Variants in SMTNL2 observed in about 807,000 individuals in gnomAD.
SMTNL2 encodes smoothelin-like protein 2.
Under a neutral mutation model 44.1 loss-of-function variants are expected in SMTNL2, and 43 were observed. The observed-to-expected ratio is 0.98, with a 90% CI of 0.76 to 1.26. The LOEUF is 1.26. Among genes scored for constraint, SMTNL2 ranks in the 50% most tolerant of loss-of-function variants. SMTNL2 has a pLI of 0.00. For synonymous variants in SMTNL2, 317 were observed against 287.6 expected (o/e 1.10, Z -1.03); for missense variants, 646 against 670.2 (o/e 0.96, Z 0.40).
Position 4,592,925 on chromosome 17 carries a change from C to T in SMTNL2, c.488-4C>T. 6.2e-7 allele frequency: 1 copy of T among 1,608,660 alleles called. No homozygotes were observed. Among genetic ancestry groups the T allele is most frequent in the Non-Finnish European group, 8.5e-7 (1 of 1,176,158 alleles). ...CACCCACCCATGCTGGTCACATGTT[C>T]CAGGTCCAGGCGATGGACCCCCTGA... is the stretch of plus-strand genomic sequence containing the variant. On this transcript the variant is annotated splice_region_variant and splice_polypyrimidine_tract_variant and intron_variant, in intron 2 of 7. Coordinates refer to ENST00000389313, the MANE Select transcript of SMTNL2 (RefSeq NM_001114974.2). The surrounding 1 kb of genome is among the most constrained non-coding windows in gnomAD (Gnocchi z 4.5).
chr17:4,593,157 C>A lies in SMTNL2; in HGVS notation c.716C>A (p.Thr239Asn), dbSNP rs1224667978. Reference protein sequence around the residue: ...PSPSEVITPWTPSPSEKNSSF... With the variant: ...PSPSEVITPWNPSPSEKNSSF... ...CCCAGCGAGGTCATCACGCCCTGGA[C>A]TCCCAGTCCTAGCGGTATGAGCTGG... The change falls in exon 3 of 8, where the codon ACT (threonine) becomes AAT (asparagine). Residue 239 changes from threonine to asparagine, a missense_variant. Coordinates refer to ENST00000389313, the MANE Select transcript of SMTNL2 (RefSeq NM_001114974.2). 4 of 1,605,258 alleles carry A rather than the reference C, an allele frequency of 2.5e-6. No homozygotes were observed. The East Asian group carries it at 8.9e-5, about 36-fold the overall frequency.
rs907948194 is a variant in SMTNL2 at position 4,607,571 on chromosome 17, G to A, written c.*84G>A. On this transcript the variant is annotated 3_prime_UTR_variant, in exon 8 of 8. Transcript: ENST00000389313. The surrounding 1 kb of genome is among the most constrained non-coding windows in gnomAD (Gnocchi z 4.7). ...CGATTCCCCAGCCAGGATGCCCCCAGGAGCCTTGCCGTTTGGTGTGAGCGC... is the reference window on the plus strand; with the variant it reads ...CGATTCCCCAGCCAGGATGCCCCCAAGAGCCTTGCCGTTTGGTGTGAGCGC... 9 of 1,563,028 alleles carry A rather than the reference G, an allele frequency of 5.8e-6. No homozygotes were observed. The highest frequency in any genetic ancestry group is 5.4e-5 in the Admixed American group (3 of 55,356).
rs540992869 is a variant in SMTNL2 at position 4,600,648 on chromosome 17, G to T, written c.1259+3325G>T. 4.0e-4 allele frequency among the ~76,000 whole-genome samples: 61 copies of T among 152,248 alleles called. No individual in the cohort carries two copies. The highest frequency in any genetic ancestry group is 1.4e-3 in the African/African-American group (59 of 41,540). On this transcript the variant is annotated intron_variant, in intron 7 of 7. Transcript: ENST00000389313. This position sits in a 1 kb window ranked among gnomAD's most constrained non-coding sequence, Gnocchi z 4.7. ...AATGATGCAGTGTTGACAGCACAGC[G>T]AGCTTCCCTTGCCTGACAGGTGTTC...
Position 4,600,239 on chromosome 17 carries a change from G to A in SMTNL2, c.1259+2916G>A, listed in dbSNP as rs1017693028. ...TGGTTAGAAGAGCTGGCAGGAAAGC[G>A]CAGGGACACCTGCCTGAGGGTACTA... On this transcript the variant is annotated intron_variant, in intron 7 of 7. Coordinates refer to ENST00000389313, the MANE Select transcript of SMTNL2 (RefSeq NM_001114974.2). This position sits in a 1 kb window ranked among gnomAD's most constrained non-coding sequence, Gnocchi z 4.7. Among the ~76,000 whole-genome samples, 5 of 152,194 alleles carry A rather than the reference G, an allele frequency of 3.3e-5. No homozygotes were observed. Among genetic ancestry groups the A allele is most frequent in the Non-Finnish European group, 1.5e-5 (1 of 68,038 alleles).
rs1375212848 is a variant in SMTNL2, at chr17:4,607,887, C to G, written c.*400C>G. ...CCAAGTGTTTTTTTTTATCAAAATA[C>G]CCAGAGTTTTTTACTTCCTCACGCG... On this transcript the variant is annotated 3_prime_UTR_variant, in exon 8 of 8. Transcript: ENST00000389313. This position sits in a 1 kb window ranked among gnomAD's most constrained non-coding sequence, Gnocchi z 4.7. 1 of 156,198 alleles carries G rather than the reference C, an allele frequency of 6.4e-6. No individual in the cohort carries two copies. The highest frequency in any genetic ancestry group is 2.4e-5 in the African/African-American group (1 of 41,496). The allele number at this position is 156,198 out of a possible 1,614,324, so 9.7% of individuals were successfully genotyped here.
chr17:4,594,791 C>T (rs993790171), intron 4 of SMTNL2, among the ~76,000 whole-genome samples: 2 of 151,670 alleles, frequency 1.3e-5, no homozygotes, highest in African/African-American at 2.4e-5. Context: ...GGGGTCTTAT[C>T]GCATGGTGGT....
Position 4,599,657 on chromosome 17 carries a change from C to T in SMTNL2, c.1259+2334C>T, listed in dbSNP as rs989922626. Among the ~76,000 whole-genome samples the T allele has an allele frequency of 1.2e-4, 19 of 152,050 alleles. 1 individual carries two copies. The highest frequency in any genetic ancestry group is 9.2e-4 in the Admixed American group (14 of 15,284). On this transcript the variant is annotated intron_variant, in intron 7 of 7. Transcript: ENST00000389313. ...CTAGGCTGTGGCAGGGAGAGGGATG[C>T]CCCGGGCCATGGGGTGGTGGCCCCA... is the stretch of plus-strand genomic sequence containing the variant.
intron 6 of SMTNL2, 86 bp downstream of exon 6, chr17:4,597,063 G>C (rs1909849028): frequency 1.3e-6 from 2 of 1,502,974 alleles, no homozygotes; most frequent in Non-Finnish European, 1.8e-6. Flanking sequence ...CTCCCGCCTG[G>C]GCAGGAGCCC....
At chr17:4,588,584 A>G (rs1309856303) in intron 1 of SMTNL2, among the ~76,000 whole-genome samples, 1 of 152,074 alleles carries the variant, frequency 6.6e-6, no homozygotes, top group Non-Finnish European at 1.5e-5. Context: ...CCCACTGGGG[A>G]CTCTGCGGGG....
rs988936372 is a variant in SMTNL2 at position 4,598,618 on chromosome 17, G to A, written c.1259+1295G>A. Among the ~76,000 whole-genome samples, 1 of 152,174 alleles carries A rather than the reference G, an allele frequency of 6.6e-6. No individual in the cohort carries two copies. The highest frequency in any genetic ancestry group is 2.4e-5 in the African/African-American group (1 of 41,454). On this transcript the variant is annotated intron_variant, in intron 7 of 7. Coordinates refer to ENST00000389313, the MANE Select transcript of SMTNL2 (RefSeq NM_001114974.2). The surrounding 1 kb of genome is among the most constrained non-coding windows in gnomAD (Gnocchi z 4.8). ...GCGGGTGGATTGCCTGAGCTCAGGA[G>A]TTCGAGACCAGCTTGGGCAACACGG... is the stretch of plus-strand genomic sequence containing the variant.
In SMTNL2 at chr17:4,593,124, A is replaced by T. The variant is rs1336264507; in HGVS notation, c.683A>T (p.Asn228Ile). The change falls in exon 3 of 8, where the codon AAC (asparagine) becomes ATC (isoleucine). Residue 228 changes from asparagine to isoleucine, a missense_variant. Asn to Ile is a moderately radical substitution (Grantham distance 149, BLOSUM62 -3). Transcript: ENST00000389313. The part of the protein sequence containing the change: ...PMSAATLGGL[N>I]PSPSEVITPW... ...TCTGCTGCCACCCTGGGGGGCCTCA[A>T]CCCAAGCCCCAGCGAGGTCATCACG... 1.9e-6 allele frequency: 3 copies of T among 1,612,426 alleles called. No homozygotes were observed. Among genetic ancestry groups the T allele is most frequent in the Non-Finnish European group, 2.5e-6 (3 of 1,179,028 alleles).
chr17:4,597,422 G>A (rs534018282), intron 7 of SMTNL2, 99 bp downstream of exon 7: 503 of 1,511,758 alleles, frequency 3.3e-4, no homozygotes, highest in Non-Finnish European at 4.2e-4. Flanking sequence ...ATGTCGGGCC[G>A]CTGTCTGCAA....
rs531849790 is a variant in SMTNL2 at position 4,600,727 on chromosome 17, C to T, written c.1259+3404C>T. ...CTTTTATGGAAGGGGCTGAGTCGGG[C>T]GGGCGCCTGACCCTTCTGCACCCGT... On this transcript the variant is annotated intron_variant, in intron 7 of 7. Transcript: ENST00000389313. This position sits in a 1 kb window ranked among gnomAD's most constrained non-coding sequence, Gnocchi z 4.7. Among the ~76,000 whole-genome samples the T allele has an allele frequency of 3.9e-5, 6 of 152,264 alleles. No individual in the cohort carries two copies. Among genetic ancestry groups the T allele is most frequent in the African/African-American group, 7.2e-5 (3 of 41,552 alleles).
At position 4,595,612 on chromosome 17, in the gene SMTNL2, G is replaced by A. The variant is rs902713257; in HGVS notation, c.989+285G>A. Among the ~76,000 whole-genome samples the A allele has an allele frequency of 6.6e-6, 1 of 152,230 alleles. No homozygotes were observed. Among genetic ancestry groups the A allele is most frequent in the Non-Finnish European group, 1.5e-5 (1 of 68,040 alleles). ...CTCCATTCCCGAGGCCCCCTGTCCT[G>A]TCTCTGGTGCCGCCAGGCTGCCCTC... On this transcript the variant is annotated intron_variant, in intron 5 of 7. Coordinates refer to ENST00000389313, the MANE Select transcript of SMTNL2 (RefSeq NM_001114974.2). This position sits in a 1 kb window ranked among gnomAD's most constrained non-coding sequence, Gnocchi z 5.1.
In SMTNL2 at chr17:4,595,127, C is replaced by CGGCG. The variant is rs747063347; in HGVS notation, c.807-17_807-14dup. ...TGGCTGCTGGGCCCAGGTCCCAACT[C>CGGCG]GGCGATTCTTTCCTCAGCCCACCGC... On this transcript the variant is annotated splice_polypyrimidine_tract_variant and intron_variant, in intron 4 of 7. Coordinates refer to ENST00000389313, the MANE Select transcript of SMTNL2 (RefSeq NM_001114974.2). The surrounding 1 kb of genome is among the most constrained non-coding windows in gnomAD (Gnocchi z 5.1). The CGGCG allele has an allele frequency of 1.2e-6, 2 of 1,613,002 alleles. No individual in the cohort carries two copies. Among genetic ancestry groups the CGGCG allele is most frequent in the South Asian group, 2.2e-5 (2 of 91,052 alleles).
chr17:4,589,610 T>TG (rs1228190095), intron 1 of SMTNL2, among the ~76,000 whole-genome samples: 4 of 152,190 alleles, frequency 2.6e-5, no homozygotes, highest in African/African-American at 9.7e-5. Context: ...TCCCAGGCTC[T>TG]GGGTCCTGTC....
chr17:4,606,939 G>T (rs1402314429), intron 7 of SMTNL2, among the ~76,000 whole-genome samples: 1 of 151,980 alleles, frequency 6.6e-6, no homozygotes, highest in Non-Finnish European at 1.5e-5. Flanking sequence ...CAAACAACTA[G>T]CTGGGCATGG....
chr17:4,599,508 C>T (rs1457394252), intron 7 of SMTNL2, among the ~76,000 whole-genome samples: 1 of 151,886 alleles, frequency 6.6e-6, no homozygotes, highest in Non-Finnish European at 1.5e-5. Flanking sequence ...ACTCCAGCGG[C>T]GAGGTCACCC....
At chr17:4,587,758 A>C (rs1909401746) in intron 1 of SMTNL2, among the ~76,000 whole-genome samples, 1 of 152,206 alleles carries the variant, frequency 6.6e-6, no homozygotes, top group Non-Finnish European at 1.5e-5. Context: ...TTGGAGGTAG[A>C]TTGTCTCCAA....
Sources: allele counts gnomAD v4.1 joint callset (sites outside exome capture counted in the v4.1 genomes callset), GRCh38; gene constraint gnomAD v4.1.1; non-coding constraint Gnocchi (gnomAD v3.1); transcripts MANE v1.5; gene names NCBI Gene and HGNC (gene_info 2026-07-23, HGNC 2026-07-21).